KIRREL3: variants seen among roughly 807,000 people sequenced by gnomAD.
KIRREL3 encodes the protein kin of IRRE-like protein 3.
A neutral mutation model predicts 89.7 loss-of-function variants in KIRREL3; 36 were observed. The ratio of observed to expected loss-of-function variants is 0.40; its 90% CI spans 0.31 to 0.53. KIRREL3 has a LOEUF of 0.53. Ranked by LOEUF, KIRREL3 falls within the 20% of genes least tolerant of loss-of-function variation. The probability of loss-of-function intolerance (pLI) is 0.49; values close to 1 mark genes in which losing one functional copy is unlikely to be tolerated. For missense variants in KIRREL3, 864 were observed against 1,056.6 expected (o/e 0.82, Z 2.53); for synonymous variants, 445 against 441.4 (o/e 1.01, Z -0.10).
chr11:126,538,934 G>T (rs1278628537), intron 2 of KIRREL3, among the ~76,000 whole-genome samples: 1 of 152,176 alleles, frequency 6.6e-6, no homozygotes, highest in Non-Finnish European at 1.5e-5. Context: ...GTCACAGAAG[G>T]GTTGGCTTCT....
chr11:126,649,613 A>G (rs1324282967), intron 1 of KIRREL3, among the ~76,000 whole-genome samples: 3 of 152,190 alleles, frequency 2.0e-5, no homozygotes, highest in Non-Finnish European at 4.4e-5. Flanking sequence ...TATCCAGGTC[A>G]TGCTGATGCA....
In KIRREL3 at chr11:126,736,696, C is replaced by A. The variant is rs1364340291; in HGVS notation, c.56-173784G>T. On this transcript the variant is annotated intron_variant, in intron 1 of 16. Transcript: ENST00000525144. This position sits in a 1 kb window ranked among gnomAD's most constrained non-coding sequence, Gnocchi z 5.0. Reference sequence around the variant, plus strand: ...ATGACAAGGATTATCCTACCCAAAACGTCATTCGTGCTGAGGTTGAGAAAC... The same window carrying A: ...ATGACAAGGATTATCCTACCCAAAAAGTCATTCGTGCTGAGGTTGAGAAAC... 1.3e-5 allele frequency among the ~76,000 whole-genome samples: 2 copies of A among 152,156 alleles called. No individual in the cohort carries two copies. The highest frequency in any genetic ancestry group is 2.9e-5 in the Non-Finnish European group (2 of 68,028).
At chr11:126,446,239 C>CTCTT (rs1189701551) in intron 9 of KIRREL3, among the ~76,000 whole-genome samples, 1 of 137,730 alleles carries the variant, frequency 7.3e-6, no homozygotes, top group African/African-American at 2.6e-5. Flanking sequence ...GTTTAAAAGG[C>CTCTT]TCTTTCTTTC....
At chr11:126,638,146 A>G (rs545196259) in intron 1 of KIRREL3, among the ~76,000 whole-genome samples, 6 of 152,350 alleles carry the variant, frequency 3.9e-5, no homozygotes, top group Non-Finnish European at 8.8e-5. Flanking sequence ...GAAGAGGAAT[A>G]ATAATGGGCT....
At chr11:126,878,271 A>G (rs1270637196) in intron 1 of KIRREL3, among the ~76,000 whole-genome samples, 3 of 152,198 alleles carry the variant, frequency 2.0e-5, no homozygotes, top group Non-Finnish European at 4.4e-5. Context: ...AGTCCCCTGC[A>G]GCTATTAAAA....
At chr11:126,461,363 T>C (rs1027945583) in intron 6 of KIRREL3, among the ~76,000 whole-genome samples, 1 of 152,228 alleles carries the variant, frequency 6.6e-6, no homozygotes, top group Non-Finnish European at 1.5e-5. Flanking sequence ...TAAGGAGGCC[T>C]GGCCTCACTT....
intron 10 of KIRREL3, 147 bp from the exon 11 acceptor site, chr11:126,440,696 T>C (rs948365985): frequency 1.4e-6 from 1 of 731,766 alleles, no homozygotes; most frequent in African/African-American, 1.7e-5. Flanking sequence ...AAGTGCAAGG[T>C]AGAGGACTCA....
chr11:126,582,046 C>T (rs1941578998), intron 1 of KIRREL3, among the ~76,000 whole-genome samples: 1 of 152,186 alleles, frequency 6.6e-6, no homozygotes, highest in Non-Finnish European at 1.5e-5. Context: ...GGCTATGTGA[C>T]AGAAGGGCTG....
intron 1 of KIRREL3, among the ~76,000 whole-genome samples, chr11:126,853,745 A>C (rs533983605): frequency 1.6e-4 from 24 of 152,136 alleles, no homozygotes; most frequent in South Asian, 4.1e-4. Flanking sequence ...AACTTAAAAA[A>C]AAAACAAAAC....
chr11:126,505,179 A>T (rs1957981776), intron 4 of KIRREL3, among the ~76,000 whole-genome samples: 1 of 152,264 alleles, frequency 6.6e-6, no homozygotes, highest in South Asian at 2.1e-4. Context: ...AAAATGCATT[A>T]GGTTGGAAAA....
At chr11:126,448,732 C>T (rs1218176761) in intron 8 of KIRREL3, among the ~76,000 whole-genome samples, 1 of 152,204 alleles carries the variant, frequency 6.6e-6, no homozygotes, top group African/African-American at 2.4e-5. Flanking sequence ...CCAAAACCCA[C>T]CACGATGGCA....
At position 126,768,422 on chromosome 11, in the gene KIRREL3, A is replaced by T. The variant is rs1949915760; in HGVS notation, c.56-205510T>A. Reference sequence around the variant, plus strand: ...GTCTGGAAATGCCTATGAATCAGTCAGGCAGGCCAAGGATCTTATGAACTT... The same window carrying T: ...GTCTGGAAATGCCTATGAATCAGTCTGGCAGGCCAAGGATCTTATGAACTT... On this transcript the variant is annotated intron_variant, in intron 1 of 16. Transcript: ENST00000525144. This position sits in a 1 kb window ranked among gnomAD's most constrained non-coding sequence, Gnocchi z 4.5. Among the ~76,000 whole-genome samples, 1 of 152,236 alleles carries T rather than the reference A, an allele frequency of 6.6e-6. No homozygotes were observed. The highest frequency in any genetic ancestry group is 1.5e-5 in the Non-Finnish European group (1 of 68,038).
intron 2 of KIRREL3, among the ~76,000 whole-genome samples, chr11:126,548,026 G>A (rs114264750): frequency 2.0e-3 from 299 of 152,284 alleles, no homozygotes; most frequent in African/African-American, 7.0e-3. Flanking sequence ...GATGGTGCAA[G>A]TGTGCAAAAG....
chr11:126,523,718 G>C lies in KIRREL3; in HGVS notation c.284-2254C>G, dbSNP rs1958665452. On this transcript the variant is annotated intron_variant, in intron 3 of 16. Transcript: ENST00000525144. The surrounding 1 kb of genome is among the most constrained non-coding windows in gnomAD (Gnocchi z 4.9). ...GTTCTAGCCCAATCCTCTCCCTGCTGCCGCTGCCTTCCTTGTAGCTGGCTG... is the reference window on the plus strand; with the variant it reads ...GTTCTAGCCCAATCCTCTCCCTGCTCCCGCTGCCTTCCTTGTAGCTGGCTG... 6.6e-6 allele frequency among the ~76,000 whole-genome samples: 1 copy of C among 152,138 alleles called. No individual in the cohort carries two copies.
intron 1 of KIRREL3, among the ~76,000 whole-genome samples, chr11:126,845,712 C>T (rs2134541893): frequency 6.6e-6 from 1 of 152,246 alleles, no homozygotes; most frequent in Non-Finnish European, 1.5e-5. Context: ...TTGACCTTTA[C>T]CATTTGTTTA....
intron 4 of KIRREL3, among the ~76,000 whole-genome samples, chr11:126,500,470 T>C (rs1022137307): frequency 6.6e-6 from 1 of 152,282 alleles, no homozygotes; most frequent in Non-Finnish European, 1.5e-5. Context: ...CTGGACACAG[T>C]GGCTCATGCC....
Position 126,555,453 on chromosome 11 carries a change from A to G in KIRREL3, c.133+7382T>C, listed in dbSNP as rs1285967501. On this transcript the variant is annotated intron_variant, in intron 2 of 16. Coordinates refer to ENST00000525144, the MANE Select transcript of KIRREL3 (RefSeq NM_032531.4). This position sits in a 1 kb window ranked among gnomAD's most constrained non-coding sequence, Gnocchi z 4.2. The stretch of plus-strand genomic sequence containing the variant: ...CATGTGACACAGGAACTGGATCTTG[A>G]CTGAGGAGGGATGGGTCAGTGGAGG... 6.6e-6 allele frequency among the ~76,000 whole-genome samples: 1 copy of G among 152,202 alleles called. No homozygotes were observed. The highest frequency in any genetic ancestry group is 1.5e-5 in the Non-Finnish European group (1 of 68,032).
chr11:126,956,767 C>G (rs1368320539), intron 1 of KIRREL3, among the ~76,000 whole-genome samples: 1 of 152,180 alleles, frequency 6.6e-6, no homozygotes, highest in Non-Finnish European at 1.5e-5. Flanking sequence ...TATCCGAGTG[C>G]TTCAGTTTTC....
rs958884722 is a variant in KIRREL3, at chr11:126,872,199, T to C, written c.55+128256A>G. ...CATTAACATAAAAAGATACTTCTAGTAGTGTCATGACACTTTACAAATGCC... is the reference window on the plus strand; with the variant it reads ...CATTAACATAAAAAGATACTTCTAGCAGTGTCATGACACTTTACAAATGCC... On this transcript the variant is annotated intron_variant, in intron 1 of 16. Coordinates refer to ENST00000525144, the MANE Select transcript of KIRREL3 (RefSeq NM_032531.4). The surrounding 1 kb of genome is among the most constrained non-coding windows in gnomAD (Gnocchi z 4.2). Among the ~76,000 whole-genome samples, 1 of 152,220 alleles carries C rather than the reference T, an allele frequency of 6.6e-6. No individual in the cohort carries two copies. Among genetic ancestry groups the C allele is most frequent in the Non-Finnish European group, 1.5e-5 (1 of 68,034 alleles).
Sources: allele counts gnomAD v4.1 joint callset (sites outside exome capture counted in the v4.1 genomes callset), GRCh38; gene constraint gnomAD v4.1.1; non-coding constraint Gnocchi (gnomAD v3.1); transcripts MANE v1.5; gene names NCBI Gene and HGNC (gene_info 2026-07-23, HGNC 2026-07-21).